MKLN1: variants seen among roughly 807,000 people sequenced by gnomAD.
MKLN1 encodes muskelin.
A neutral mutation model predicts 99.0 loss-of-function variants in MKLN1; 18 were observed. The ratio of observed to expected loss-of-function variants is 0.18; its 90% CI spans 0.13 to 0.27. The LOEUF is 0.27. MKLN1 is among the 10% of genes least tolerant of loss of function. The probability of loss-of-function intolerance (pLI) is 1.00; values close to 1 mark genes in which losing one functional copy is unlikely to be tolerated. For missense variants in MKLN1, 621 were observed against 875.9 expected (o/e 0.71, Z 3.67); for synonymous variants, 288 against 293.2 (o/e 0.98, Z 0.18).
chr7:131,463,178 T>A, intron 12 of MKLN1, 39 bp from the exon 13 acceptor site: 1 of 1,481,342 alleles, frequency 6.8e-7, no homozygotes, highest in Non-Finnish European at 9.4e-7. Flanking sequence ...ATCTATCTAA[T>A]GTGAATATTT....
intron 2 of MKLN1, among the ~76,000 whole-genome samples, chr7:131,384,197 G>A (rs541304899): frequency 2.0e-5 from 3 of 149,992 alleles, no homozygotes; most frequent in African/African-American, 4.9e-5. Context: ...CTGGCTCTGT[G>A]TAGTAGATTG....
chr7:131,363,197 G>A lies in MKLN1; in HGVS notation c.99-12227G>A, dbSNP rs146663138. Among the ~76,000 whole-genome samples the A allele has an allele frequency of 3.1e-3, 476 of 151,994 alleles. 1 individual carries two copies. Among genetic ancestry groups the A allele is most frequent in the African/African-American group, 0.011 (452 of 41,508 alleles). Reference sequence around the variant, plus strand: ...TTTTTGAGCTGTGTGGCTCCAGGCCGCATTTGTGAATTTTTTTTTTAATTG... The same window carrying A: ...TTTTTGAGCTGTGTGGCTCCAGGCCACATTTGTGAATTTTTTTTTTAATTG... On this transcript the variant is annotated intron_variant, in intron 1 of 17. Transcript: ENST00000352689.
chr7:131,166,994 G>A (rs953134444), intron 2 of MKLN1, among the ~76,000 whole-genome samples: 1 of 151,982 alleles, frequency 6.6e-6, no homozygotes, highest in African/African-American at 2.4e-5. Context: ...TCCGGCCTAA[G>A]TATCATCTTT....
chr7:131,246,151 G>A (rs2116504504), intron 3 of MKLN1, among the ~76,000 whole-genome samples: 1 of 152,316 alleles, frequency 6.6e-6, no homozygotes, highest in African/African-American at 2.4e-5. Context: ...ACTGCTGCAG[G>A]CACTCTGCAC....
chr7:131,207,487 C>T (rs868848736), intron 3 of MKLN1, among the ~76,000 whole-genome samples: 18 of 152,158 alleles, frequency 1.2e-4, no homozygotes, highest in Non-Finnish European at 1.2e-4. Flanking sequence ...CATGAGCCAC[C>T]GCGCTGGACT....
intron 3 of MKLN1, among the ~76,000 whole-genome samples, chr7:131,217,951 A>G (rs1336442953): frequency 2.0e-5 from 3 of 152,194 alleles, no homozygotes; most frequent in Non-Finnish European, 4.4e-5. Context: ...GGGCCAGCCA[A>G]ATGGAAGGAC....
chr7:131,260,048 A>AT (rs61413385), intron 3 of MKLN1, among the ~76,000 whole-genome samples: 2 of 150,634 alleles, frequency 1.3e-5, no homozygotes, highest in Admixed American at 6.6e-5. Context: ...AATCAGCAGC[A>AT]TTTTTTTTTT....
upstream of MKLN1, chr7:131,323,879 A>C (rs1179904140): frequency 6.6e-6 from 1 of 152,216 alleles, no homozygotes; most frequent in Admixed American, 6.5e-5. Context: ...CTGGAAGAGC[A>C]AAAGGGGTAC....
chr7:131,166,261 G>C (rs1796122946), intron 2 of MKLN1, among the ~76,000 whole-genome samples: 1 of 152,186 alleles, frequency 6.6e-6, no homozygotes, highest in Admixed American at 6.5e-5. Context: ...TGGTGAGTCA[G>C]AGGATGGAGA....
chr7:131,252,167 C>T (rs905526057), intron 3 of MKLN1, among the ~76,000 whole-genome samples: 17 of 152,042 alleles, frequency 1.1e-4, no homozygotes, highest in Non-Finnish European at 2.2e-4. Context: ...CAGCAATAGC[C>T]CAAAAGCCCG....
intron 12 of MKLN1, among the ~76,000 whole-genome samples, chr7:131,456,849 A>G (rs983818714): frequency 1.3e-5 from 2 of 152,106 alleles, no homozygotes; most frequent in East Asian, 3.9e-4. Flanking sequence ...TCTCCAATAT[A>G]TCTTACCAGA....
rs1324064175 is a variant in MKLN1, at chr7:131,327,896, C to T, written c.-4C>T. ...TCGGTGGCGGCCGCTACGGTGCTGA[C>T]AAGATGGCGGCTGGCGGAGCTGTCG... On this transcript the variant is annotated 5_prime_UTR_variant, in exon 1 of 18. Coordinates refer to ENST00000352689, the MANE Select transcript of MKLN1 (RefSeq NM_013255.5). 1.9e-6 allele frequency: 3 copies of T among 1,612,130 alleles called. No individual in the cohort carries two copies. Among genetic ancestry groups the T allele is most frequent in the Admixed American group, 1.7e-5 (1 of 59,974 alleles).
intron 6 of MKLN1, among the ~76,000 whole-genome samples, chr7:131,400,517 AAATAT>A (rs1563329750): frequency 7.7e-6 from 1 of 129,574 alleles, no homozygotes; most frequent in Non-Finnish European, 1.6e-5. Flanking sequence ...AATAAAAAAA[AAATAT>A]ATATATATAT....
At chr7:131,405,728 A>G (rs973032674) in intron 6 of MKLN1, among the ~76,000 whole-genome samples, 1 of 152,116 alleles carries the variant, frequency 6.6e-6, no homozygotes, top group Non-Finnish European at 1.5e-5. Context: ...GTGGCGATTT[A>G]CTACTTGTTT....
rs147493629 is a variant in MKLN1, at chr7:131,276,832, C to T, written c.-179+73858C>T. On this transcript the variant is annotated intron_variant, in intron 3 of 7. Transcript: ENST00000416992. ...ACAAAAGACAGTGAAGGAGAACTTT[C>T]AGTGACTCTGTCTGACTTTTGAGGA... Among the ~76,000 whole-genome samples the T allele has an allele frequency of 1.4e-4, 21 of 152,174 alleles. 1 individual carries two copies. Among genetic ancestry groups the T allele is most frequent in the Non-Finnish European group, 2.8e-4 (19 of 68,034 alleles).
intron 1 of MKLN1, among the ~76,000 whole-genome samples, chr7:131,112,069 G>A (rs923540539): frequency 6.6e-6 from 1 of 152,208 alleles, no homozygotes; most frequent in Non-Finnish European, 1.5e-5. Flanking sequence ...TATTGCAAAG[G>A]CAATATCAGA....
At position 131,196,934 on chromosome 7, in the gene MKLN1, TC is replaced by T. The variant is rs147276123; in HGVS notation, c.-296-5920del. Among the ~76,000 whole-genome samples the T allele has an allele frequency of 9.4e-3, 1,425 of 152,256 alleles. 34 individuals are homozygous for T. The highest frequency in any genetic ancestry group is 0.032 in the African/African-American group (1,329 of 41,540). ...CCTGGTCAAGAATGGCCTCGCTGAA[TC>T]CCTGTTCCAAATGCCGTGACAAGTC... On this transcript the variant is annotated intron_variant, in intron 2 of 7. Transcript: ENST00000416992.
chr7:131,489,318 C>CAACAGTGATTTCTTAAGCAATTTGAT lies in MKLN1; in HGVS notation c.*1591_*1616dup, dbSNP rs1797366369. ...GGCTTTCCTAGCATCCCAAAGCAGT[C>CAACAGTGATTTCTTAAGCAATTTGAT]AACAGTGATTTCTTAAGCAATTTGA... On this transcript the variant is annotated 3_prime_UTR_variant, in exon 18 of 18. Coordinates refer to ENST00000352689, the MANE Select transcript of MKLN1 (RefSeq NM_013255.5). 6.6e-6 allele frequency: 1 copy of CAACAGTGATTTCTTAAGCAATTTGAT among 152,074 alleles called. No homozygotes were observed. Among genetic ancestry groups the CAACAGTGATTTCTTAAGCAATTTGAT allele is most frequent in the South Asian group, 2.1e-4 (1 of 4,824 alleles). The allele number at this position is 152,074 out of a possible 1,614,324, so 9.4% of individuals were successfully genotyped here. A position where few individuals can be genotyped will look rare whatever the true frequency, so the allele number is the denominator to read the frequency against.
intron 1 of MKLN1, among the ~76,000 whole-genome samples, chr7:131,346,067 C>G (rs980398002): frequency 2.0e-5 from 3 of 152,122 alleles, no homozygotes; most frequent in Admixed American, 6.5e-5. Flanking sequence ...AGTAAAATTA[C>G]ATTTACATTT....
Sources: allele counts gnomAD v4.1 joint callset (sites outside exome capture counted in the v4.1 genomes callset), GRCh38; gene constraint gnomAD v4.1.1; transcripts MANE v1.5; gene names NCBI Gene and HGNC (gene_info 2026-07-23, HGNC 2026-07-21).